Variants in MTMR14 observed in about 807,000 individuals in gnomAD.
MTMR14 encodes the protein phosphatidylinositol-3,5-bisphosphate 3-phosphatase MTMR14.
Under a neutral mutation model 86.3 loss-of-function variants are expected in MTMR14, and 48 were observed. That is an observed-to-expected ratio of 0.56 (90% confidence interval 0.44 to 0.71). The LOEUF is 0.71. MTMR14 is among the 30% of genes least tolerant of loss of function. The probability of loss-of-function intolerance (pLI) is 0.00; values close to 1 mark genes in which losing one functional copy is unlikely to be tolerated. For synonymous variants in MTMR14, 366 were observed against 326.1 expected (o/e 1.12, Z -1.32); for missense variants, 780 against 834.6 (o/e 0.93, Z 0.81).
At position 9,686,383 on chromosome 3, in the gene MTMR14, G is replaced by A. The variant is rs1287364363; in HGVS notation, c.1164+1136G>A. ...AGCAGACCAGATCTGCCTGCAGAGG[G>A]TGGGGCTGAACCAAGTAGTGTCTGA... On this transcript the variant is annotated intron_variant, in intron 13 of 18. Coordinates refer to ENST00000296003, the MANE Select transcript of MTMR14 (RefSeq NM_001077525.3). Among the ~76,000 whole-genome samples the A allele has an allele frequency of 3.3e-5, 5 of 152,174 alleles. No homozygotes were observed. In the East Asian group the frequency reaches 5.8e-4, roughly 18 times the overall value.
At chr3:9,689,107 G>T in intron 16 of MTMR14, 25 bp downstream of exon 16, 1 of 1,605,776 alleles carries the variant, frequency 6.2e-7, no homozygotes. Context: ...TTGGACCAAG[G>T]TCACTCACAG....
intron 1 of MTMR14, 81 bp from the exon 2 acceptor site, chr3:9,653,540 C>T (rs2047428861): frequency 6.3e-7 from 1 of 1,575,308 alleles, no homozygotes; most frequent in Admixed American, 1.7e-5. Context: ...TTCCCAGTGA[C>T]CTCTTAGGCC....
intron 17 of MTMR14, among the ~76,000 whole-genome samples, chr3:9,694,720 T>G (rs2076234723): frequency 6.6e-6 from 1 of 152,348 alleles, no homozygotes; most frequent in African/African-American, 2.4e-5. Flanking sequence ...ACCTGTGTAT[T>G]CTTGCCTGGG....
intron 2 of MTMR14, chr3:9,659,480 G>T: frequency 4.8e-6 from 1 of 207,034 alleles, no homozygotes; most frequent in Non-Finnish European, 9.9e-6. Flanking sequence ...GTCTCATTCT[G>T]TTGCCCAGGC....
rs1343291937 is a variant in MTMR14, at chr3:9,677,308, C to G, written c.752-9C>G. ...AGGGAGATGTCATAACTCTGCCCTT[C>G]TTTTCCAGGCTGTGAATTTTTCAAG... On this transcript the variant is annotated splice_polypyrimidine_tract_variant and intron_variant, in intron 7 of 18. Coordinates refer to ENST00000296003, the MANE Select transcript of MTMR14 (RefSeq NM_001077525.3). The surrounding 1 kb of genome is among the most constrained non-coding windows in gnomAD (Gnocchi z 4.2). 6 of 1,613,694 alleles carry G rather than the reference C, an allele frequency of 3.7e-6. No individual in the cohort carries two copies. In the Admixed American group the frequency reaches 1.0e-4, roughly 27 times the overall value.
At chr3:9,650,088 A>G (rs2047190651) in intron 1 of MTMR14, among the ~76,000 whole-genome samples, 1 of 152,116 alleles carries the variant, frequency 6.6e-6, no homozygotes, top group African/African-American at 2.4e-5. Context: ...GAGTTGTGTC[A>G]GGGAAAAAGC....
Position 9,688,759 on chromosome 3 carries a change from G to T in MTMR14, c.1294+5G>T. The T allele has an allele frequency of 6.2e-7, 1 of 1,614,158 alleles. No homozygotes were observed. The highest frequency in any genetic ancestry group is 8.5e-7 in the Non-Finnish European group (1 of 1,180,026). On this transcript the variant is annotated splice_donor_5th_base_variant and intron_variant, in intron 15 of 18. Transcript: ENST00000296003. ...TGGAAGACATCTGCATGCTGAGTGA[G>T]TCCTGGGCCCCAACAGACTTCCCTT...
intron 3 of MTMR14, among the ~76,000 whole-genome samples, chr3:9,667,905 C>G (rs1334131637): frequency 3.3e-5 from 5 of 152,208 alleles, no homozygotes; most frequent in African/African-American, 1.2e-4. Flanking sequence ...CACTCCCTGT[C>G]TGTCACCTCA....
chr3:9,693,133 C>T (rs570562036), intron 17 of MTMR14, among the ~76,000 whole-genome samples: 23 of 152,150 alleles, frequency 1.5e-4, no homozygotes, highest in African/African-American at 5.3e-4. Flanking sequence ...TCAAACTGAC[C>T]GAAACAATAA....
At chr3:9,651,389 C>T (rs1027398144) in intron 1 of MTMR14, among the ~76,000 whole-genome samples, 1 of 152,114 alleles carries the variant, frequency 6.6e-6, no homozygotes, top group Non-Finnish European at 1.5e-5. Context: ...AGGCGTGAGC[C>T]GCCACACCTG....
chr3:9,677,427 T>C lies in MTMR14; in HGVS notation c.822+40T>C. On this transcript the variant is annotated intron_variant, in intron 8 of 18. Transcript: ENST00000296003. The surrounding 1 kb of genome is among the most constrained non-coding windows in gnomAD (Gnocchi z 4.2). ...ATACATCAAATTGGATCTATGTCTC[T>C]TTGTAAAGGGAGGCCAAGGAGAACA... is the stretch of plus-strand genomic sequence containing the variant. The C allele has an allele frequency of 6.4e-7, 1 of 1,574,548 alleles. No individual in the cohort carries two copies.
intron 2 of MTMR14, 24 bp downstream of exon 2, chr3:9,653,793 T>A (rs1379855956): frequency 1.9e-6 from 3 of 1,614,070 alleles, no homozygotes; most frequent in South Asian, 2.2e-5. Context: ...GACCGTAGTG[T>A]ACATGTCTGG....
At chr3:9,655,604 G>T (rs1046850847) in intron 2 of MTMR14, among the ~76,000 whole-genome samples, 1 of 149,520 alleles carries the variant, frequency 6.7e-6, no homozygotes, top group African/African-American at 2.5e-5. Flanking sequence ...GGGATTACAG[G>T]CGCCCGCCAC....
chr3:9,676,675 GC>G (rs545292606), intron 7 of MTMR14, among the ~76,000 whole-genome samples: 262 of 152,342 alleles, frequency 1.7e-3, no homozygotes, highest in African/African-American at 5.4e-3. Context: ...TGTTGCCAAA[GC>G]CCTATTCTCT....
In MTMR14 at chr3:9,701,861, G is replaced by A; in HGVS notation, c.1841G>A (p.Ser614Asn). 1 of 1,613,982 alleles carries A rather than the reference G, an allele frequency of 6.2e-7. No individual in the cohort carries two copies. The highest frequency in any genetic ancestry group is 8.5e-7 in the Non-Finnish European group (1 of 1,180,044). Residue 614 changes from serine to asparagine, a missense_variant, in exon 19 of 19, where the codon AGC becomes AAC. Physicochemically the swap from Ser to Asn is conservative, Grantham distance 46. Coordinates refer to ENST00000296003, the MANE Select transcript of MTMR14 (RefSeq NM_001077525.3). The surrounding 1 kb of genome is among the most constrained non-coding windows in gnomAD (Gnocchi z 4.2). ...TCAGCCTTCTTGGCTGCGTACAGCAGCACAGTGGGGCTTCGGGCAGTAGCC... is the reference window on the plus strand; with the variant it reads ...TCAGCCTTCTTGGCTGCGTACAGCAACACAGTGGGGCTTCGGGCAGTAGCC... The part of the protein sequence containing the change: ...VRSAFLAAYS[S>N]TVGLRAVAPS...
intron 5 of MTMR14, among the ~76,000 whole-genome samples, chr3:9,670,612 A>G (rs1038317294): frequency 6.6e-6 from 1 of 152,178 alleles, no homozygotes; most frequent in African/African-American, 2.4e-5. Flanking sequence ...CAAGTATTTC[A>G]GACTGCTACA....
chr3:9,681,519 T>C (rs1237517136), intron 9 of MTMR14, among the ~76,000 whole-genome samples: 1 of 152,160 alleles, frequency 6.6e-6, no homozygotes, highest in Non-Finnish European at 1.5e-5. Flanking sequence ...AAAGAGAAGA[T>C]AATTGGTCTG....
At chr3:9,686,563 G>C (rs1406636903) in intron 13 of MTMR14, among the ~76,000 whole-genome samples, 1 of 152,178 alleles carries the variant, frequency 6.6e-6, no homozygotes, top group African/African-American at 2.4e-5. Flanking sequence ...CGATTGTGTC[G>C]TCTCCCCACC....
Position 9,689,049 on chromosome 3 carries a change from T to C in MTMR14, c.1400T>C (p.Leu467Pro). Residue 467 changes from leucine (L) to proline (P), a missense_variant, in exon 16 of 19, where the codon CTG becomes CCG. Coordinates refer to ENST00000296003, the MANE Select transcript of MTMR14 (RefSeq NM_001077525.3). ...AGCTTCACCTATGAGGCCGTGGAGC[T>C]GGTCCCAGCAGGAGCGCCAACTCAG... Reference protein sequence around the residue: ...TGSFTYEAVELVPAGAPTQAA... With the variant: ...TGSFTYEAVEPVPAGAPTQAA... 6.2e-7 allele frequency: 1 copy of C among 1,613,406 alleles called. No individual in the cohort carries two copies. The highest frequency in any genetic ancestry group is 8.5e-7 in the Non-Finnish European group (1 of 1,180,020).
Sources: allele counts gnomAD v4.1 joint callset (sites outside exome capture counted in the v4.1 genomes callset), GRCh38; gene constraint gnomAD v4.1.1; non-coding constraint Gnocchi (gnomAD v3.1); transcripts MANE v1.5; gene names NCBI Gene and HGNC (gene_info 2026-07-23, HGNC 2026-07-21).